Variants in NRG3 observed in about 807,000 individuals in gnomAD.
NRG3 encodes neuregulin 3.
Under a neutral mutation model 66.9 loss-of-function variants are expected in NRG3, and 31 were observed. That is an observed-to-expected ratio of 0.46 (90% CI 0.35 to 0.63). NRG3 has a LOEUF of 0.63. NRG3 is among the 20% of genes least tolerant of loss of function. NRG3 has a pLI of 0.00. For missense variants in NRG3, 910 were observed against 878.9 expected, an observed-to-expected ratio of 1.04 and a Z score of -0.45; for synonymous variants, 393 against 359.4, an observed-to-expected ratio of 1.09 and a Z score of -1.06.
chr10:82,097,997 G>A (rs1171635543), intron 1 of NRG3, among the ~76,000 whole-genome samples: 5 of 151,298 alleles, frequency 3.3e-5, no homozygotes, highest in East Asian at 2.0e-4. Flanking sequence ...GTCTGAAACC[G>A]AGAAGGATCT....
At chr10:81,996,746 A>C (rs2060954943) in intron 1 of NRG3, among the ~76,000 whole-genome samples, 2 of 152,102 alleles carry the variant, frequency 1.3e-5, no homozygotes, top group Admixed American at 1.3e-4. Context: ...GAGGAATAAG[A>C]GTGAGAATGT....
chr10:82,938,685 G>C (rs1434186309), intron 4 of NRG3, among the ~76,000 whole-genome samples: 1 of 152,228 alleles, frequency 6.6e-6, no homozygotes, highest in Admixed American at 6.5e-5. Context: ...CCTTGGTCCT[G>C]AATGTTCTGT....
intron 4 of NRG3, among the ~76,000 whole-genome samples, chr10:82,878,563 G>A (rs916777511): frequency 3.3e-5 from 5 of 152,176 alleles, no homozygotes; most frequent in African/African-American, 7.2e-5. Flanking sequence ...AGAATGCCTG[G>A]GGAGGCAGTG....
At chr10:81,908,000 A>G (rs1365573559) in intron 1 of NRG3, among the ~76,000 whole-genome samples, 1 of 152,194 alleles carries the variant, frequency 6.6e-6, no homozygotes, top group Non-Finnish European at 1.5e-5. Flanking sequence ...ATGCTTTAGA[A>G]GACAAAGGCC....
intron 2 of NRG3, among the ~76,000 whole-genome samples, chr10:82,658,843 A>G (rs2052083231): frequency 6.6e-6 from 1 of 152,208 alleles, no homozygotes; most frequent in African/African-American, 2.4e-5. Context: ...AACCTAGATA[A>G]AACTGTTAAG....
chr10:82,095,145 T>A (rs189046416), intron 1 of NRG3, among the ~76,000 whole-genome samples: 10 of 152,310 alleles, frequency 6.6e-5, no homozygotes, highest in Admixed American at 2.0e-4. Context: ...AGATAAAGGC[T>A]ATAGCTACAC....
At chr10:82,039,615 T>A (rs2062942220) in intron 1 of NRG3, among the ~76,000 whole-genome samples, 2 of 152,136 alleles carry the variant, frequency 1.3e-5, no homozygotes, top group African/African-American at 2.4e-5. Context: ...AGTGAACTCG[T>A]CATTAATTGC....
intron 2 of NRG3, among the ~76,000 whole-genome samples, chr10:82,672,030 A>T (rs7080154): frequency 0.44 from 67,018 of 152,000 alleles, 15,752 homozygotes; most frequent in African/African-American, 0.58. Flanking sequence ...TCTAGGTTTT[A>T]TCCTTACTGA....
intron 2 of NRG3, among the ~76,000 whole-genome samples, chr10:82,565,925 G>T (rs2045377218): frequency 6.6e-6 from 1 of 152,046 alleles, no homozygotes. Context: ...GACTTTAAAA[G>T]CATGGGTTTG....
intron 2 of NRG3, among the ~76,000 whole-genome samples, chr10:82,711,047 C>T (rs2056634082): frequency 6.6e-6 from 1 of 152,148 alleles, no homozygotes; most frequent in South Asian, 2.1e-4. Flanking sequence ...GGTGGGATTA[C>T]AGTCCTGAGC....
intron 1 of NRG3, among the ~76,000 whole-genome samples, chr10:81,971,048 G>A (rs572061165): frequency 6.6e-6 from 1 of 152,320 alleles, no homozygotes; most frequent in Non-Finnish European, 1.5e-5. Context: ...GCTGAGATAG[G>A]AGAATCGCTT....
intron 1 of NRG3, among the ~76,000 whole-genome samples, chr10:82,303,739 G>A (rs1274744019): frequency 4.0e-5 from 6 of 151,838 alleles, no homozygotes; most frequent in Non-Finnish European, 7.4e-5. Flanking sequence ...GTGGTGGCGA[G>A]GGCCTGTAAT....
chr10:82,812,360 C>A (rs1308133179), intron 3 of NRG3, among the ~76,000 whole-genome samples: 3 of 152,126 alleles, frequency 2.0e-5, no homozygotes, highest in Non-Finnish European at 4.4e-5. Context: ...TTCTTTGAGG[C>A]AAATTACTAG....
chr10:82,113,226 G>A (rs2132266943), intron 1 of NRG3, among the ~76,000 whole-genome samples: 1 of 152,258 alleles, frequency 6.6e-6, no homozygotes, highest in East Asian at 1.9e-4. Context: ...ACCCTATGGA[G>A]ATGGGAACTG....
rs1228032942 is a variant in NRG3 at position 82,334,551 on chromosome 10, A to ATTTAGTGAG, written c.824-24186_824-24178dup. Among the ~76,000 whole-genome samples, 8 of 152,228 alleles carry ATTTAGTGAG rather than the reference A, an allele frequency of 5.3e-5. No individual in the cohort carries two copies. In the East Asian group the frequency reaches 1.5e-3, roughly 29 times the overall value. On this transcript the variant is annotated intron_variant, in intron 1 of 8. Coordinates refer to ENST00000372141, the MANE Select transcript of NRG3 (RefSeq NM_001010848.4). ...GGGCACCTTTTTAAAAATTATGGGCATTTAGTGAGTGATTTTATAAAGAAA... is the reference window on the plus strand; with the variant it reads ...GGGCACCTTTTTAAAAATTATGGGCATTTAGTGAGTTTAGTGAGTGATTTTATAAAGAAA...
At chr10:82,546,007 G>T (rs2043890088) in intron 2 of NRG3, among the ~76,000 whole-genome samples, 1 of 151,684 alleles carries the variant, frequency 6.6e-6, no homozygotes, top group East Asian at 2.0e-4. Context: ...CTGACCTCGT[G>T]ATCCGACCAC....
At chr10:82,871,865 T>C (rs1438886257) in intron 4 of NRG3, among the ~76,000 whole-genome samples, 1 of 152,104 alleles carries the variant, frequency 6.6e-6, no homozygotes, top group Non-Finnish European at 1.5e-5. Context: ...CAAAGACAGT[T>C]TTACCTCTTC....
At chr10:82,567,175 T>C (rs1164141176) in intron 2 of NRG3, among the ~76,000 whole-genome samples, 1 of 151,994 alleles carries the variant, frequency 6.6e-6, no homozygotes, top group Non-Finnish European at 1.5e-5. Context: ...TTCTGTTTCC[T>C]AATAATATTT....
chr10:82,732,986 A>T (rs2057989127), intron 2 of NRG3, among the ~76,000 whole-genome samples: 1 of 152,142 alleles, frequency 6.6e-6, no homozygotes, highest in Non-Finnish European at 1.5e-5. Flanking sequence ...CCATGTTTCT[A>T]TTTTCCTGTA....
Sources: allele counts gnomAD v4.1 joint callset (sites outside exome capture counted in the v4.1 genomes callset), GRCh38; gene constraint gnomAD v4.1.1; transcripts MANE v1.5; gene names NCBI Gene and HGNC (gene_info 2026-07-23, HGNC 2026-07-21).